RBMS3: variants seen among roughly 807,000 people sequenced by gnomAD.
RBMS3 encodes RNA-binding motif, single-stranded-interacting protein 3.
Under a neutral mutation model 66.8 loss-of-function variants are expected in RBMS3, and 27 were observed. The observed-to-expected ratio is 0.40, with a 90% CI of 0.30 to 0.56. The LOEUF (loss-of-function observed/expected upper bound fraction) is 0.56. RBMS3 is among the 20% of genes least tolerant of loss of function. The probability of loss-of-function intolerance (pLI) is 0.40; values close to 1 mark genes in which losing one functional copy is unlikely to be tolerated. For synonymous variants in RBMS3, 188 were observed against 183.0 expected, an observed-to-expected ratio of 1.03 and a Z score of -0.22; for missense variants, 513 against 549.5, an observed-to-expected ratio of 0.93 and a Z score of 0.66.
intron 1 of RBMS3, among the ~76,000 whole-genome samples, chr3:29,429,000 A>G (rs2041076312): frequency 6.6e-6 from 1 of 152,176 alleles, no homozygotes; most frequent in Non-Finnish European, 1.5e-5. Flanking sequence ...AGCTTTTGCC[A>G]GAGCATCATC....
At chr3:29,559,020 G>C (rs1241142536) in intron 3 of RBMS3, among the ~76,000 whole-genome samples, 1 of 152,098 alleles carries the variant, frequency 6.6e-6, no homozygotes, top group African/African-American at 2.4e-5. Context: ...ATATTGCATA[G>C]ATAAGTCAGT....
At chr3:29,428,607 C>G (rs1052921177) in intron 1 of RBMS3, among the ~76,000 whole-genome samples, 2 of 151,368 alleles carry the variant, frequency 1.3e-5, no homozygotes, top group Non-Finnish European at 2.9e-5. Flanking sequence ...CACAACTAAC[C>G]TTTCTCCAAA....
At chr3:29,946,171 C>G (rs1001194324) in intron 12 of RBMS3, among the ~76,000 whole-genome samples, 1 of 151,676 alleles carries the variant, frequency 6.6e-6, no homozygotes, top group African/African-American at 2.4e-5. Flanking sequence ...ACTTGCCTTT[C>G]CAAAATGCTT....
chr3:29,572,914 AC>A (rs1394401764), intron 3 of RBMS3, among the ~76,000 whole-genome samples: 2 of 151,360 alleles, frequency 1.3e-5, no homozygotes, highest in African/African-American at 4.9e-5. Flanking sequence ...TTATTGGGAG[AC>A]TTTTTATTAT....
chr3:29,317,062 C>A lies in RBMS3; in HGVS notation c.75+35306C>A, dbSNP rs149822507. On this transcript the variant is annotated intron_variant, in intron 1 of 14. Coordinates refer to ENST00000383767, the MANE Select transcript of RBMS3 (RefSeq NM_001003793.3). The stretch of plus-strand genomic sequence containing the variant: ...TTTGAGATTCATTCTTTTGTCAAAA[C>A]GTTTTTAGGGATAAAAGGAGTGTAG... Among the ~76,000 whole-genome samples the A allele has an allele frequency of 8.5e-4, 129 of 151,694 alleles. 1 individual carries two copies. The highest frequency in any genetic ancestry group is 2.8e-3 in the African/African-American group (117 of 41,444).
At chr3:29,731,230 A>G (rs1309823549) in intron 4 of RBMS3, among the ~76,000 whole-genome samples, 1 of 152,226 alleles carries the variant, frequency 6.6e-6, no homozygotes, top group East Asian at 1.9e-4. Context: ...TGAGGACATG[A>G]ACTCCAGTTG....
At chr3:29,620,740 A>G (rs950619253) in intron 4 of RBMS3, among the ~76,000 whole-genome samples, 1 of 152,050 alleles carries the variant, frequency 6.6e-6, no homozygotes, top group Non-Finnish European at 1.5e-5. Context: ...CTTTTTCCTT[A>G]GAGTTGTTTG....
intron 3 of RBMS3, among the ~76,000 whole-genome samples, chr3:29,538,377 A>G (rs1444732792): frequency 3.3e-5 from 5 of 152,226 alleles, no homozygotes; most frequent in African/African-American, 7.2e-5. Context: ...AACCAAGAGC[A>G]CTAACAGGAA....
At chr3:29,847,900 C>G (rs1189179077) in intron 6 of RBMS3, among the ~76,000 whole-genome samples, 1 of 152,158 alleles carries the variant, frequency 6.6e-6, no homozygotes, top group Non-Finnish European at 1.5e-5. Context: ...TCGTGATCCG[C>G]CCGCCTCGGC....
intron 4 of RBMS3, among the ~76,000 whole-genome samples, chr3:29,643,230 A>C (rs938864617): frequency 1.3e-5 from 2 of 152,074 alleles, no homozygotes; most frequent in Non-Finnish European, 2.9e-5. Context: ...GAGCGCTACC[A>C]ATCTAATTAT....
At chr3:29,697,131 A>T in intron 4 of RBMS3, 1 of 983,298 alleles carries the variant, frequency 1.0e-6, no homozygotes, top group Non-Finnish European at 1.2e-6. Context: ...ATTTGTTTTT[A>T]TTTCTTATAC....
intron 3 of RBMS3, among the ~76,000 whole-genome samples, chr3:29,494,172 G>A (rs1004189117): frequency 1.3e-5 from 2 of 152,260 alleles, no homozygotes; most frequent in East Asian, 1.9e-4. Context: ...TCTCCTTAGA[G>A]ATAAAAAGAA....
intron 1 of RBMS3, among the ~76,000 whole-genome samples, chr3:29,300,552 A>G (rs2033605531): frequency 1.3e-5 from 2 of 152,044 alleles, no homozygotes; most frequent in Admixed American, 6.6e-5. Context: ...AAGCAGTTTT[A>G]TAATATGATT....
At chr3:29,296,133 G>A (rs2125436065) in intron 1 of RBMS3, among the ~76,000 whole-genome samples, 1 of 151,810 alleles carries the variant, frequency 6.6e-6, no homozygotes, top group Middle Eastern at 3.4e-3. Context: ...CAAGCGCTTG[G>A]GGTCAGCAAT....
Position 29,981,152 on chromosome 3 carries a change from C to A in RBMS3, c.1099-6991C>A, listed in dbSNP as rs1035657212. On this transcript the variant is annotated intron_variant, in intron 12 of 14. Coordinates refer to ENST00000383767, the MANE Select transcript of RBMS3 (RefSeq NM_001003793.3). ...TCTCCTTGAAATGATCCTTCACATC[C>A]CTTGTCAGTTGTATTCCTAGGTATT... Among the ~76,000 whole-genome samples the A allele has an allele frequency of 2.0e-5, 3 of 152,130 alleles. No individual in the cohort carries two copies. In the East Asian group the frequency reaches 5.8e-4, roughly 29 times the overall value.
intron 1 of RBMS3, among the ~76,000 whole-genome samples, chr3:29,377,009 A>G (rs2038509719): frequency 6.6e-6 from 1 of 152,086 alleles, no homozygotes; most frequent in Admixed American, 6.5e-5. Context: ...AAATCACTTG[A>G]GTCTGGGAGG....
chr3:29,598,302 T>C (rs2048026344), intron 4 of RBMS3, among the ~76,000 whole-genome samples: 1 of 152,066 alleles, frequency 6.6e-6, no homozygotes, highest in Non-Finnish European at 1.5e-5. Context: ...TGTACCCAGC[T>C]TCTGGCTTTA....
intron 8 of RBMS3, among the ~76,000 whole-genome samples, chr3:29,888,588 G>A (rs1237847996): frequency 3.3e-5 from 5 of 151,698 alleles, no homozygotes; most frequent in African/African-American, 9.7e-5. Flanking sequence ...CTTCAAGTGT[G>A]TAACTAGCTT....
chr3:29,762,532 C>G (rs2055737179), intron 5 of RBMS3, among the ~76,000 whole-genome samples: 1 of 152,064 alleles, frequency 6.6e-6, no homozygotes, highest in Admixed American at 6.6e-5. Context: ...CCTCAGTGAC[C>G]TTATTGATAT....
Sources: allele counts gnomAD v4.1 joint callset (sites outside exome capture counted in the v4.1 genomes callset), GRCh38; gene constraint gnomAD v4.1.1; transcripts MANE v1.5; gene names NCBI Gene and HGNC (gene_info 2026-07-23, HGNC 2026-07-21).